The following APAF1 variants were observed in gnomAD, a reference collection of about 807,000 sequenced individuals.
APAF1 encodes the protein apoptotic protease-activating factor 1.
A neutral mutation model predicts 152.4 loss-of-function variants in APAF1; 91 were observed. That is an observed-to-expected ratio of 0.60 (90% CI 0.50 to 0.71). The LOEUF is 0.71. APAF1 is among the 30% of genes least tolerant of loss of function. The pLI is 0.00. For missense variants in APAF1, 1,283 were observed against 1,472.0 expected, an observed-to-expected ratio of 0.87 and a Z score of 2.10; for synonymous variants, 484 against 494.1, an observed-to-expected ratio of 0.98 and a Z score of 0.27.
rs1248106275 is a variant in APAF1, at chr12:98,686,733, T to C, written c.2179-15T>C. On this transcript the variant is annotated splice_polypyrimidine_tract_variant and intron_variant, in intron 15 of 26. Coordinates refer to ENST00000551964, the MANE Select transcript of APAF1 (RefSeq NM_181861.2). ...ATACTAGTTGTTTATTTATCTTTTT[T>C]TCTTTCACAAATAGCTTTGGGATTT... 1.2e-6 allele frequency: 2 copies of C among 1,611,928 alleles called. No homozygotes were observed. The highest frequency in any genetic ancestry group is 1.1e-5 in the South Asian group (1 of 90,906).
chr12:98,660,219 A>G (rs549680831), intron 5 of APAF1, among the ~76,000 whole-genome samples: 1 of 152,028 alleles, frequency 6.6e-6, no homozygotes, highest in African/African-American at 2.4e-5. Flanking sequence ...GGTGGTACAC[A>G]CCTGTGGTCC....
rs761349739 is a variant in APAF1, at chr12:98,725,499, A to G, written c.3415A>G (p.Ser1139Gly). ...CVRCSAFSVD[S>G]TLLATGDDNG... Reference sequence around the variant, plus strand: ...GCGCTGCTCTGCCTTCTCTGTGGACAGTACCCTGCTGGCAACGGGAGATGA... The same window carrying G: ...GCGCTGCTCTGCCTTCTCTGTGGACGGTACCCTGCTGGCAACGGGAGATGA... Residue 1139 changes from serine (S) to glycine (G), a missense_variant, in exon 25 of 27, where the codon AGT (serine) becomes GGT (glycine). Physicochemically the swap from Ser to Gly is moderately conservative, Grantham distance 56. Transcript: ENST00000551964. The G allele has an allele frequency of 1.5e-5, 25 of 1,614,176 alleles. No homozygotes were observed. In the East Asian group the frequency reaches 5.3e-4, roughly 35 times the overall value.
chr12:98,666,298 T>C lies in APAF1; in HGVS notation c.1303T>C (p.Tyr435His). Residue 435 changes from tyrosine to histidine, a missense_variant, in exon 9 of 27, where the codon TAT becomes CAT. Transcript: ENST00000551964. ...FCDRNGKSFR[Y>H]YLHDLQVDFL... ...TGATCGGAATGGAAAGTCGTTTCGT[T>C]ATTATTTACATGATCTTCAAGTAGA... 1 of 1,613,926 alleles carries C rather than the reference T, an allele frequency of 6.2e-7. No individual in the cohort carries two copies. Among genetic ancestry groups the C allele is most frequent in the Admixed American group, 1.7e-5 (1 of 60,010 alleles).
rs2097713150 is a variant in APAF1 at position 98,699,583 on chromosome 12, A to G, written c.2466+14A>G. 1 of 1,613,854 alleles carries G rather than the reference A, an allele frequency of 6.2e-7. No individual in the cohort carries two copies. Among genetic ancestry groups the G allele is most frequent in the African/African-American group, 1.3e-5 (1 of 74,926 alleles). ...AATAAAATCTTTGTAAGTACTTTAAAAAGCCAACTTCAGTCTGATTTAAAG... is the reference window on the plus strand; with the variant it reads ...AATAAAATCTTTGTAAGTACTTTAAGAAGCCAACTTCAGTCTGATTTAAAG... On this transcript the variant is annotated intron_variant, in intron 17 of 26. Coordinates refer to ENST00000551964, the MANE Select transcript of APAF1 (RefSeq NM_181861.2).
At chr12:98,654,797 AT>A (rs571205132) in intron 4 of APAF1, among the ~76,000 whole-genome samples, 1 of 141,930 alleles carries the variant, frequency 7.0e-6, no homozygotes, top group Non-Finnish European at 1.5e-5. Flanking sequence ...TTGTTTAAAT[AT>A]TTTTAAAGTA....
chr12:98,712,345 T>G lies in APAF1; in HGVS notation c.2868T>G (p.Ile956Met). Residue 956 changes from isoleucine (I) to methionine (M), a missense_variant, in exon 21 of 27, where the codon ATT becomes ATG. Physicochemically the swap from Ile to Met is conservative, Grantham distance 10. Transcript: ENST00000551964. Reference sequence around the variant, plus strand: ...TCATTAATGGAAGAACAGGTCAGATTGATTATCTGACTGAAGCTCAAGTTA... The same window carrying G: ...TCATTAATGGAAGAACAGGTCAGATGGATTATCTGACTGAAGCTCAAGTTA... ...LQLINGRTGQ[I>M]DYLTEAQVSC... The G allele has an allele frequency of 6.2e-7, 1 of 1,609,462 alleles. No individual in the cohort carries two copies.
chr12:98,646,967 T>G (rs1445027149), intron 1 of APAF1, among the ~76,000 whole-genome samples: 3 of 152,244 alleles, frequency 2.0e-5, no homozygotes, highest in South Asian at 4.1e-4. Flanking sequence ...GAACTAATAC[T>G]CAATAGTAAC....
rs368429786 is a variant in APAF1, at chr12:98,666,295, C to T, written c.1300C>T (p.Arg434Cys). The T allele has an allele frequency of 1.1e-4, 185 of 1,613,642 alleles. 3 individuals are homozygous for T. In the South Asian group the frequency reaches 1.8e-3, roughly 15 times the overall value. Residue 434 changes from arginine to cysteine, a missense_variant, in exon 9 of 27, where the codon CGT becomes TGT. By Grantham distance (180) the Arg-to-Cys change is radical. Transcript: ENST00000551964. ...LFCDRNGKSF[R>C]YYLHDLQVDF... Reference sequence around the variant, plus strand: ...CTGTGATCGGAATGGAAAGTCGTTTCGTTATTATTTACATGATCTTCAAGT... The same window carrying T: ...CTGTGATCGGAATGGAAAGTCGTTTTGTTATTATTTACATGATCTTCAAGT...
chr12:98,710,179 G>GTA (rs2097726356), intron 20 of APAF1, among the ~76,000 whole-genome samples: 1 of 127,740 alleles, frequency 7.8e-6, no homozygotes, highest in African/African-American at 3.0e-5. Flanking sequence ...CGGCCTAAGG[G>GTA]TTTTTTTTTT....
chr12:98,662,851 T>C (rs762135366), intron 7 of APAF1, 45 bp downstream of exon 7: 2 of 1,573,496 alleles, frequency 1.3e-6, no homozygotes, highest in South Asian at 2.3e-5. Context: ...GGGAGTTATA[T>C]AATTTCCCTT....
At chr12:98,707,391 T>C (rs2097722556) in intron 19 of APAF1, among the ~76,000 whole-genome samples, 1 of 152,216 alleles carries the variant, frequency 6.6e-6, no homozygotes, top group African/African-American at 2.4e-5. Context: ...CTAACCATTC[T>C]ATAAGTCCCC....
At chr12:98,648,261 T>C (rs2097644517) in intron 1 of APAF1, 58 bp from the exon 2 acceptor site, 1 of 1,427,264 alleles carries the variant, frequency 7.0e-7, no homozygotes. Flanking sequence ...ATTAGTGAGA[T>C]TATGTATCTT....
chr12:98,679,671 C>T (rs2153323520), intron 13 of APAF1, among the ~76,000 whole-genome samples: 2 of 152,378 alleles, frequency 1.3e-5, no homozygotes, highest in South Asian at 4.1e-4. Context: ...CTTTGGGGCC[C>T]CGCGGTTCCT....
chr12:98,693,792 GTT>G (rs546014793), intron 16 of APAF1, among the ~76,000 whole-genome samples: 2,609 of 129,788 alleles, frequency 0.02, 21 homozygotes, highest in African/African-American at 0.027. Context: ...TTGTTTTTCA[GTT>G]TTTTTTTTTT....
intron 4 of APAF1, among the ~76,000 whole-genome samples, chr12:98,650,926 G>A (rs2097648225): frequency 6.6e-6 from 1 of 151,946 alleles, no homozygotes; most frequent in Non-Finnish European, 1.5e-5. Context: ...CAATTTATAG[G>A]TTTAAAAGAA....
intron 23 of APAF1, 126 bp downstream of exon 23, chr12:98,723,438 G>C (rs1158575543): frequency 8.7e-7 from 1 of 1,150,216 alleles, no homozygotes; most frequent in African/African-American, 1.6e-5. Context: ...TCTCATGCTT[G>C]TTTTCTGTTA....
intron 22 of APAF1, among the ~76,000 whole-genome samples, chr12:98,720,756 G>A (rs970644579): frequency 4.6e-5 from 7 of 152,170 alleles, no homozygotes; most frequent in African/African-American, 9.7e-5. Context: ...ACGAGGTCAG[G>A]AGATCGAGAC....
intron 24 of APAF1, 103 bp from the exon 25 acceptor site, chr12:98,725,311 TA>T (rs1432610228): frequency 2.1e-6 from 3 of 1,433,880 alleles, no homozygotes; most frequent in Non-Finnish European, 2.9e-6. Context: ...AATTGCCAGA[TA>T]TTAGAATGTC....
At position 98,727,241 on chromosome 12, in the gene APAF1, C is replaced by G. The variant is rs770610441; in HGVS notation, c.3525C>G (p.Thr1175=). The G allele has an allele frequency of 6.2e-7, 1 of 1,614,106 alleles. No individual in the cohort carries two copies. The highest frequency in any genetic ancestry group is 8.5e-7 in the Non-Finnish European group (1 of 1,180,010). ...CGCTTTCAGAAGAAGGAGCTGCTAC[C>G]CATGGAGGCTGGGTGACTGACCTTT... ...CAPLSEEGAA[T]HGGWVTDLCF... is the part of the protein sequence containing the mutation. Residue 1175 remains threonine (T), a synonymous_variant, in exon 26 of 27, where the codon ACC becomes ACG. Transcript: ENST00000551964.
Sources: gnomAD v4.1 joint callset for allele counts (sites outside exome capture counted in the v4.1 genomes callset) on GRCh38, gnomAD v4.1.1 for gene constraint, MANE v1.5 for transcripts, NCBI Gene and HGNC (gene_info 2026-07-23, HGNC 2026-07-21) for gene names.